PDE8B: variants seen among roughly 807,000 people sequenced by gnomAD.
The protein encoded by PDE8B is high affinity cAMP-specific and IBMX-insensitive 3',5'-cyclic phosphodiesterase 8B.
A neutral mutation model predicts 101.3 loss-of-function variants in PDE8B; 26 were observed. That is an observed-to-expected ratio of 0.26 (90% CI 0.19 to 0.36). PDE8B has a LOEUF of 0.36. Ranked by LOEUF, PDE8B falls within the 10% of genes least tolerant of loss-of-function variation. PDE8B has a pLI of 1.00. For missense variants in PDE8B, 810 were observed against 1,163.1 expected, an observed-to-expected ratio of 0.70 and a Z score of 4.42; for synonymous variants, 424 against 429.3, an observed-to-expected ratio of 0.99 and a Z score of 0.15.
the PDE8B span, chr5:77,166,620 T>C: frequency 1.3e-5 from 2 of 152,328 alleles, no homozygotes; most frequent in Admixed American, 1.3e-4. Context: ...CTCCCTTGTG[T>C]GTATATGCAA....
At position 77,211,460 on chromosome 5, in the gene PDE8B, G is replaced by A. The variant is rs1748388027; in HGVS notation, c.339+196G>A. ...ATGTGGTCAGAAAAAGGCCCCTGGA[G>A]GGGTCCTGGAAGCGTCCTTAGCTGG... On this transcript the variant is annotated intron_variant, in intron 1 of 21. Coordinates refer to ENST00000264917, the MANE Select transcript of PDE8B (RefSeq NM_003719.5). The surrounding 1 kb of genome is among the most constrained non-coding windows in gnomAD (Gnocchi z 4.1). 6.6e-6 allele frequency among the ~76,000 whole-genome samples: 1 copy of A among 152,238 alleles called. No homozygotes were observed. Among genetic ancestry groups the A allele is most frequent in the Admixed American group, 6.5e-5 (1 of 15,290 alleles).
chr5:77,364,790 A>G (rs997676006), intron 10 of PDE8B, among the ~76,000 whole-genome samples: 2 of 152,200 alleles, frequency 1.3e-5, no homozygotes, highest in Non-Finnish European at 2.9e-5. Flanking sequence ...TAGTTCTGCA[A>G]GTGCCTTTTG....
chr5:77,117,178 G>A, the PDE8B span, among the ~76,000 whole-genome samples: 3 of 152,224 alleles, frequency 2.0e-5, no homozygotes, highest in Non-Finnish European at 4.4e-5. Flanking sequence ...TGGAATGAGA[G>A]CAGAGGGGGC....
intron 10 of PDE8B, among the ~76,000 whole-genome samples, chr5:77,397,751 T>C (rs1239615767): frequency 6.6e-6 from 1 of 152,178 alleles, no homozygotes; most frequent in African/African-American, 2.4e-5. Context: ...ACAATTCTTA[T>C]CCAAACATGC....
At chr5:77,270,664 A>G (rs1396842087) in intron 1 of PDE8B, among the ~76,000 whole-genome samples, 1 of 152,214 alleles carries the variant, frequency 6.6e-6, no homozygotes, top group Non-Finnish European at 1.5e-5. Flanking sequence ...GTGTGCACAG[A>G]AGATAGTGAT....
the PDE8B span, among the ~76,000 whole-genome samples, chr5:77,116,224 A>ATATATATATATATTTTTTTTTT: frequency 1.7e-5 from 1 of 59,610 alleles, no homozygotes; most frequent in African/African-American, 7.2e-5. Context: ...ATATATATAT[A>ATATATATATATATTTTTTTTTT]TTTTTTTTTT....
chr5:77,286,281 C>G (rs2149892018), intron 1 of PDE8B, among the ~76,000 whole-genome samples: 1 of 152,306 alleles, frequency 6.6e-6, no homozygotes, highest in African/African-American at 2.4e-5. Context: ...AAAATCTTCC[C>G]TGTGCATGAA....
At chr5:77,280,686 G>A (rs943515087) in intron 1 of PDE8B, among the ~76,000 whole-genome samples, 1 of 152,108 alleles carries the variant, frequency 6.6e-6, no homozygotes, top group Non-Finnish European at 1.5e-5. Flanking sequence ...ACAAGGTCAG[G>A]AATTTGAGAC....
the PDE8B span, chr5:77,131,153 G>T: frequency 3.3e-5 from 5 of 152,356 alleles, no homozygotes; most frequent in East Asian, 7.7e-4. Flanking sequence ...TGGAATAAAC[G>T]AGAGACATCT....
chr5:77,101,116 C>T, the PDE8B span, among the ~76,000 whole-genome samples: 3 of 150,218 alleles, frequency 2.0e-5, no homozygotes, highest in Non-Finnish European at 3.0e-5. Context: ...ACCACAGGCA[C>T]GCATCACCAC....
intron 3 of PDE8B, among the ~76,000 whole-genome samples, chr5:77,327,209 C>T (rs1483501581): frequency 2.6e-5 from 4 of 152,182 alleles, no homozygotes; most frequent in African/African-American, 9.7e-5. Context: ...ACCTGTGGTG[C>T]TAGATCCCTC....
intron 17 of PDE8B, among the ~76,000 whole-genome samples, chr5:77,414,175 A>G (rs1017740076): frequency 2.6e-5 from 4 of 152,210 alleles, no homozygotes; most frequent in Non-Finnish European, 5.9e-5. Flanking sequence ...AGAAGCAGAA[A>G]TGGCAGGAAA....
At chr5:77,188,383 G>A in the PDE8B span, among the ~76,000 whole-genome samples, 91 of 152,324 alleles carry the variant, frequency 6.0e-4, 2 homozygotes, top group African/African-American at 2.1e-3. Flanking sequence ...ATCTTGAAGA[G>A]GAAACACCCA....
At position 77,375,587 on chromosome 5, in the gene PDE8B, T is replaced by C. The variant is rs190070885; in HGVS notation, c.1167+22181T>C. The stretch of plus-strand genomic sequence containing the variant: ...GCCACCTGTGCCCATCTCCCCTCCA[T>C]CAGCCAGGCCACCCCAGAAAGTTAA... On this transcript the variant is annotated intron_variant, in intron 10 of 21. Coordinates refer to ENST00000264917, the MANE Select transcript of PDE8B (RefSeq NM_003719.5). Among the ~76,000 whole-genome samples, 319 of 152,222 alleles carry C rather than the reference T, an allele frequency of 2.1e-3. 1 individual carries two copies. Among genetic ancestry groups the C allele is most frequent in the Admixed American group, 6.0e-3 (91 of 15,294 alleles).
intron 17 of PDE8B, among the ~76,000 whole-genome samples, chr5:77,414,756 A>G (rs1795202291): frequency 6.6e-6 from 1 of 152,002 alleles, no homozygotes; most frequent in Non-Finnish European, 1.5e-5. Context: ...ATACCACATG[A>G]TGTTTCACAG....
At chr5:77,097,685 T>TTTTATATATATA in the PDE8B span, among the ~76,000 whole-genome samples, 1 of 18,116 alleles carries the variant, frequency 5.5e-5, no homozygotes, top group Non-Finnish European at 1.4e-4. Flanking sequence ...TGTGGAGATT[T>TTTTATATATATA]TATATATCTA....
At chr5:77,358,870 A>C (rs1782589336) in intron 10 of PDE8B, among the ~76,000 whole-genome samples, 1 of 152,224 alleles carries the variant, frequency 6.6e-6, no homozygotes, top group Non-Finnish European at 1.5e-5. Flanking sequence ...CGTGCACCTT[A>C]TTTGTGTGCC....
the PDE8B span, among the ~76,000 whole-genome samples, chr5:77,171,533 T>A: frequency 6.6e-6 from 1 of 152,206 alleles, no homozygotes; most frequent in African/African-American, 2.4e-5. Flanking sequence ...AAAATCACAA[T>A]GCAGCTCTAA....
At chr5:77,256,295 A>G (rs1009780881) in intron 1 of PDE8B, among the ~76,000 whole-genome samples, 1 of 152,148 alleles carries the variant, frequency 6.6e-6, no homozygotes, top group African/African-American at 2.4e-5. Context: ...CAATCATATC[A>G]TACACACACG....
Sources: gnomAD v4.1 joint callset for allele counts (sites outside exome capture counted in the v4.1 genomes callset) on GRCh38, gnomAD v4.1.1 for gene constraint, Gnocchi (gnomAD v3.1) non-coding constraint, MANE v1.5 for transcripts, NCBI Gene and HGNC (gene_info 2026-07-23, HGNC 2026-07-21) for gene names.